SLC6A11: variants seen among roughly 807,000 people sequenced by gnomAD.
SLC6A11 encodes the protein sodium- and chloride-dependent GABA transporter 3.
SLC6A11 carries 25 observed loss-of-function variants against 74.8 expected under a neutral mutation model. The ratio of observed to expected loss-of-function variants is 0.33; its 90% CI spans 0.24 to 0.47. The LOEUF (loss-of-function observed/expected upper bound fraction) is 0.47. Ranked by LOEUF, SLC6A11 falls within the 20% of genes least tolerant of loss-of-function variation. The pLI is 1.00. For missense variants in SLC6A11, 574 were observed against 837.0 expected (o/e 0.69, Z 3.88); for synonymous variants, 330 against 330.2 (o/e 1.00, Z 0.01).
At chr3:10,878,778 A>G (rs1214839955) in intron 6 of SLC6A11, among the ~76,000 whole-genome samples, 2 of 151,858 alleles carry the variant, frequency 1.3e-5, no homozygotes, top group African/African-American at 2.4e-5. Flanking sequence ...ATTGCCCACC[A>G]TGCACCACCC....
intron 8 of SLC6A11, among the ~76,000 whole-genome samples, chr3:10,919,314 A>G (rs1333669732): frequency 6.6e-6 from 1 of 152,242 alleles, no homozygotes; most frequent in Non-Finnish European, 1.5e-5. Flanking sequence ...TACATGACAA[A>G]TGGAGTCTAA....
chr3:10,848,747 G>A (rs937304069), intron 5 of SLC6A11, among the ~76,000 whole-genome samples: 1 of 152,190 alleles, frequency 6.6e-6, no homozygotes, highest in Non-Finnish European at 1.5e-5. Flanking sequence ...ATTAGCTCCA[G>A]CATTAAAAAA....
intron 6 of SLC6A11, among the ~76,000 whole-genome samples, chr3:10,895,983 C>T (rs1030909225): frequency 5.9e-5 from 9 of 152,260 alleles, no homozygotes; most frequent in African/African-American, 2.2e-4. Context: ...GATGTCTCCT[C>T]CTTTCTCCTA....
In SLC6A11 at chr3:10,875,079, G is replaced by A. The variant is rs779321533; in HGVS notation, c.875G>A (p.Arg292Gln). The A allele has an allele frequency of 5.0e-6, 8 of 1,609,560 alleles. No homozygotes were observed. The highest frequency in any genetic ancestry group is 1.1e-5 in the South Asian group (1 of 90,598). Residue 292 changes from arginine to glutamine, a missense_variant, in exon 6 of 14, where the codon CGG (arginine) becomes CAG (glutamine). Around this residue, in one of 4 missense-constraint regions of SLC6A11, gnomAD observed 215 missense variants for 357.9 expected, o/e 0.60. Transcript: ENST00000254488. Reference protein sequence around the residue: ...IKFYLYPDLSRLSDPQVWVDA... With the variant: ...IKFYLYPDLSQLSDPQVWVDA... ...TTCTACTTGTACCCTGACCTCTCCC[G>A]GCTCTCCGACCCCCAGGTAAGAGTC...
chr3:10,871,304 T>G (rs1176228426), intron 5 of SLC6A11, among the ~76,000 whole-genome samples: 1 of 152,142 alleles, frequency 6.6e-6, no homozygotes, highest in Non-Finnish European at 1.5e-5. Context: ...TTTTATGATT[T>G]TTGAGTTGTT....
At chr3:10,860,834 T>G (rs984844717) in intron 5 of SLC6A11, among the ~76,000 whole-genome samples, 2 of 152,154 alleles carry the variant, frequency 1.3e-5, no homozygotes, top group Non-Finnish European at 1.5e-5. Context: ...AGGAACAGAT[T>G]TGGAGGAGAC....
rs1220198726 is a variant in SLC6A11 at position 10,926,889 on chromosome 3, C to G, written c.1233+773C>G. Among the ~76,000 whole-genome samples the G allele has an allele frequency of 1.3e-5, 2 of 152,150 alleles. No homozygotes were observed. Among genetic ancestry groups the G allele is most frequent in the Non-Finnish European group, 2.9e-5 (2 of 68,016 alleles). On this transcript the variant is annotated intron_variant, in intron 9 of 13. Coordinates refer to ENST00000254488, the MANE Select transcript of SLC6A11 (RefSeq NM_014229.3). This position sits in a 1 kb window ranked among gnomAD's most constrained non-coding sequence, Gnocchi z 5.7. ...CTGCTGGTCCTCACAGCTGTTTTCC[C>G]TAGGAGCCCTGGAGAACTTCCCCCA...
intron 6 of SLC6A11, among the ~76,000 whole-genome samples, chr3:10,907,944 T>G (rs1462667633): frequency 6.6e-6 from 1 of 152,188 alleles, no homozygotes; most frequent in Non-Finnish European, 1.5e-5. Flanking sequence ...GTTAAATTCA[T>G]AGTTACCTAT....
chr3:10,857,721 A>G (rs6775654), intron 5 of SLC6A11, among the ~76,000 whole-genome samples: 4,330 of 152,316 alleles, frequency 0.028, 208 homozygotes, highest in African/African-American at 0.099. Context: ...AGCCACTCAC[A>G]GACCCTGCAC....
intron 4 of SLC6A11, among the ~76,000 whole-genome samples, chr3:10,836,064 ATC>A (rs1210252653): frequency 1.3e-5 from 2 of 152,140 alleles, no homozygotes; most frequent in Non-Finnish European, 2.9e-5. Flanking sequence ...TATTTTTTTT[ATC>A]TCTGTGAATT....
At chr3:10,880,095 G>A (rs1694957225) in intron 6 of SLC6A11, among the ~76,000 whole-genome samples, 1 of 152,192 alleles carries the variant, frequency 6.6e-6, no homozygotes, top group Admixed American at 6.5e-5. Flanking sequence ...AACATCCTAA[G>A]CTAGTCTTAG....
rs1042902744 is a variant in SLC6A11, at chr3:10,851,729, T to C, written c.756+7383T>C. Among the ~76,000 whole-genome samples the C allele has an allele frequency of 4.6e-5, 7 of 152,172 alleles. 1 individual carries two copies. The highest frequency in any genetic ancestry group is 7.2e-5 in the African/African-American group (3 of 41,432). ...TGTGCATGGTGCGTAAGCCTTAAGA[T>C]CATGGGGGGATGCTGTCAGAGCCCA... On this transcript the variant is annotated intron_variant, in intron 5 of 13. Coordinates refer to ENST00000254488, the MANE Select transcript of SLC6A11 (RefSeq NM_014229.3).
intron 5 of SLC6A11, among the ~76,000 whole-genome samples, chr3:10,847,766 T>C (rs1047356068): frequency 1.3e-5 from 2 of 152,194 alleles, no homozygotes; most frequent in Non-Finnish European, 2.9e-5. Context: ...GGCACTTTTG[T>C]TCCTGGTTAT....
intron 5 of SLC6A11, among the ~76,000 whole-genome samples, chr3:10,869,546 A>T (rs1694805012): frequency 6.6e-6 from 1 of 152,202 alleles, no homozygotes; most frequent in Non-Finnish European, 1.5e-5. Context: ...GGACAAAGAG[A>T]GACTGAGAAA....
chr3:10,919,044 C>T (rs1263544746), intron 8 of SLC6A11, among the ~76,000 whole-genome samples: 1 of 152,072 alleles, frequency 6.6e-6, no homozygotes, highest in Non-Finnish European at 1.5e-5. Flanking sequence ...TCTCCTCCTC[C>T]CTCAGGGCCT....
intron 10 of SLC6A11, among the ~76,000 whole-genome samples, chr3:10,929,720 C>G (rs1695659578): frequency 6.6e-6 from 1 of 152,144 alleles, no homozygotes; most frequent in South Asian, 2.1e-4. Context: ...GTCTCACGTT[C>G]AAAGCAGGCT....
intron 5 of SLC6A11, among the ~76,000 whole-genome samples, chr3:10,851,416 CCA>C (rs1694574412): frequency 6.7e-6 from 1 of 149,988 alleles, no homozygotes; most frequent in African/African-American, 2.5e-5. Flanking sequence ...AAAAAAAAAA[CCA>C]CACACACAGA....
chr3:10,901,607 T>C (rs1396036614), intron 6 of SLC6A11, among the ~76,000 whole-genome samples: 1 of 152,224 alleles, frequency 6.6e-6, no homozygotes, highest in Non-Finnish European at 1.5e-5. Context: ...CTGTTCCCAC[T>C]GGCCCTGCCT....
At chr3:10,827,201 C>T (rs1694221617) in intron 4 of SLC6A11, among the ~76,000 whole-genome samples, 1 of 152,186 alleles carries the variant, frequency 6.6e-6, no homozygotes, top group South Asian at 2.1e-4. Flanking sequence ...AAGCTATGTC[C>T]TTCAGTGAGA....
Sources: gnomAD v4.1 joint callset for allele counts (sites outside exome capture counted in the v4.1 genomes callset) on GRCh38, gnomAD v4.1.1 for gene constraint, gnomAD v4.1.1 regional missense constraint, Gnocchi (gnomAD v3.1) non-coding constraint, MANE v1.5 for transcripts, NCBI Gene and HGNC (gene_info 2026-07-23, HGNC 2026-07-21) for gene names.